GUCY1A2: variants seen among roughly 807,000 people sequenced by gnomAD.
The protein encoded by GUCY1A2 is guanylate cyclase 1 soluble subunit alpha 2, also known as guanylate cyclase soluble subunit alpha-2.
Under a neutral mutation model 63.5 loss-of-function variants are expected in GUCY1A2, and 27 were observed. That is an observed-to-expected ratio of 0.43 (90% CI 0.31 to 0.59). GUCY1A2 has a LOEUF of 0.59. Among genes scored for constraint, GUCY1A2 ranks in the 20% least tolerant of loss-of-function variants. The probability of loss-of-function intolerance (pLI) is 0.11; values close to 1 mark genes in which losing one functional copy is unlikely to be tolerated. For synonymous variants in GUCY1A2, 364 were observed against 343.5 expected (o/e 1.06, Z -0.66); for missense variants, 768 against 913.3 (o/e 0.84, Z 2.05).
Position 107,017,976 on chromosome 11 carries a change from CCCT to C in GUCY1A2, c.77_79del (p.Glu26del), listed in dbSNP as rs1234762780. On this transcript the variant is annotated inframe_deletion, in exon 1 of 8. Coordinates refer to ENST00000526355, the MANE Select transcript of GUCY1A2 (RefSeq NM_000855.3). ...GCAGAGCCTAGACAGGGGGCACTCCCCCTCCTCCTCCGGGCTGGTCTCCAGGTA... is the reference window on the plus strand; with the variant it reads ...GCAGAGCCTAGACAGGGGGCACTCCCCCTCCTCCGGGCTGGTCTCCAGGTA... 6.2e-6 allele frequency: 9 copies of C among 1,450,658 alleles called. No homozygotes were observed. Among genetic ancestry groups the C allele is most frequent in the South Asian group, 2.8e-5 (2 of 71,370 alleles). The allele number at this position is 1,450,658 out of a possible 1,614,324, so 89.9% of individuals were successfully genotyped here. A position where few individuals can be genotyped will look rare whatever the true frequency, so the allele number is the denominator to read the frequency against.
intron 4 of GUCY1A2, among the ~76,000 whole-genome samples, chr11:106,821,926 A>C (rs1213822321): frequency 6.6e-6 from 1 of 152,164 alleles, no homozygotes; most frequent in East Asian, 1.9e-4. Flanking sequence ...GTGAGGAACA[A>C]GTCAGGGGTG....
intron 6 of GUCY1A2, chr11:106,746,561 C>T: frequency 6.3e-7 from 1 of 1,586,158 alleles, no homozygotes; most frequent in Non-Finnish European, 8.5e-7. Context: ...CTTTTCAGTA[C>T]CCAAATCCGT....
intron 6 of GUCY1A2, among the ~76,000 whole-genome samples, chr11:106,776,187 C>T (rs776901018): frequency 7.9e-5 from 12 of 152,084 alleles, no homozygotes; most frequent in Non-Finnish European, 1.8e-4. Context: ...AAGTTCTTCC[C>T]TTGGGTCTAA....
chr11:106,772,766 CA>C (rs1313593338), intron 6 of GUCY1A2, among the ~76,000 whole-genome samples: 1 of 152,054 alleles, frequency 6.6e-6, no homozygotes, highest in African/African-American at 2.4e-5. Context: ...AAAGAAAATC[CA>C]ACATCAAAAA....
intron 6 of GUCY1A2, among the ~76,000 whole-genome samples, chr11:106,746,982 G>A (rs548806204): frequency 6.6e-6 from 1 of 152,112 alleles, no homozygotes; most frequent in Admixed American, 6.5e-5. Flanking sequence ...CAAAAGATGT[G>A]GGTTTTTTTT....
At chr11:106,690,380 A>G (rs1862602623) in intron 7 of GUCY1A2, among the ~76,000 whole-genome samples, 1 of 152,214 alleles carries the variant, frequency 6.6e-6, no homozygotes, top group Admixed American at 6.5e-5. Flanking sequence ...AGCAACATGG[A>G]TGGAGCTGGA....
At chr11:106,976,923 C>T (rs981597634) in intron 3 of GUCY1A2, among the ~76,000 whole-genome samples, 4 of 113,222 alleles carry the variant, frequency 3.5e-5, no homozygotes, top group Non-Finnish European at 7.2e-5. Context: ...CCAACAGTGT[C>T]CCCTGAAAAC....
At chr11:106,759,591 T>C (rs1864030134) in intron 6 of GUCY1A2, among the ~76,000 whole-genome samples, 1 of 152,232 alleles carries the variant, frequency 6.6e-6, no homozygotes, top group African/African-American at 2.4e-5. Context: ...TATGAGTTCC[T>C]ACCAGAGTAG....
chr11:106,833,761 T>C (rs1327348310), intron 4 of GUCY1A2, among the ~76,000 whole-genome samples: 1 of 152,014 alleles, frequency 6.6e-6, no homozygotes, highest in Non-Finnish European at 1.5e-5. Flanking sequence ...AGACAAAATA[T>C]CTTTTAATGT....
At chr11:106,795,736 C>A (rs1864746562) in intron 5 of GUCY1A2, among the ~76,000 whole-genome samples, 1 of 152,234 alleles carries the variant, frequency 6.6e-6, no homozygotes, top group South Asian at 2.1e-4. Flanking sequence ...TCTCATCTTT[C>A]CACTTTAAAA....
chr11:106,676,404 A>C lies in GUCY1A2; in HGVS notation c.*11145T>G, dbSNP rs2135323649. 5.3e-6 allele frequency: 1 copy of C among 187,294 alleles called. No homozygotes were observed. Among genetic ancestry groups the C allele is most frequent in the African/African-American group, 2.3e-5 (1 of 42,870 alleles). 11.6% of individuals were successfully genotyped at this position (187,294 alleles called of 1,614,324 possible). On this transcript the variant is annotated 3_prime_UTR_variant, in exon 8 of 8. Transcript: ENST00000526355. ...ACTTTTTTTTTTTTTGTATTTAATAAAATGGCAATTTGTAAATTCTGGTGA... is the reference window on the plus strand; with the variant it reads ...ACTTTTTTTTTTTTTGTATTTAATACAATGGCAATTTGTAAATTCTGGTGA...
intron 4 of GUCY1A2, among the ~76,000 whole-genome samples, chr11:106,887,833 A>G (rs1489120162): frequency 6.6e-6 from 1 of 152,236 alleles, no homozygotes; most frequent in African/African-American, 2.4e-5. Flanking sequence ...AGTGGTATAC[A>G]CTGATTAAAA....
At chr11:106,744,099 C>T (rs1052870383) in intron 6 of GUCY1A2, among the ~76,000 whole-genome samples, 2 of 152,070 alleles carry the variant, frequency 1.3e-5, no homozygotes, top group Non-Finnish European at 2.9e-5. Context: ...TTTGTTACTC[C>T]ATCAAGGAAA....
intron 1 of GUCY1A2, among the ~76,000 whole-genome samples, chr11:106,988,323 C>T (rs1003383420): frequency 2.0e-5 from 3 of 152,122 alleles, no homozygotes; most frequent in African/African-American, 7.2e-5. Flanking sequence ...ATAACTTTCC[C>T]CTTGGCAACA....
Position 106,996,310 on chromosome 11 carries a change from G to A in GUCY1A2, c.304-10179C>T, listed in dbSNP as rs549871132. Among the ~76,000 whole-genome samples the A allele has an allele frequency of 1.2e-4, 18 of 152,260 alleles. No individual in the cohort carries two copies. The East Asian group carries it at 3.3e-3, about 28-fold the overall frequency. On this transcript the variant is annotated intron_variant, in intron 1 of 7. Transcript: ENST00000526355. ...TCTAATACTGTTTAGGAGCATATGG[G>A]CCCTCTGTCACAGTGAGAAAGATTA...
chr11:106,903,537 T>A (rs937973363), intron 4 of GUCY1A2, among the ~76,000 whole-genome samples: 1 of 152,176 alleles, frequency 6.6e-6, no homozygotes, highest in Non-Finnish European at 1.5e-5. Flanking sequence ...CAGGCCCTGG[T>A]TGAATCTGTA....
Position 106,920,633 on chromosome 11 carries a change from T to C in GUCY1A2, c.1206+18827A>G, listed in dbSNP as rs577754739. Among the ~76,000 whole-genome samples, 18 of 152,256 alleles carry C rather than the reference T, an allele frequency of 1.2e-4. 1 individual carries two copies. The South Asian group carries it at 3.5e-3, about 30-fold the overall frequency. ...CATTTGTTTAAACATTTCCATTTGTTTATCATTCAGATCTTATAATTACAA... is the reference window on the plus strand; with the variant it reads ...CATTTGTTTAAACATTTCCATTTGTCTATCATTCAGATCTTATAATTACAA... On this transcript the variant is annotated intron_variant, in intron 4 of 7. Transcript: ENST00000526355.
At chr11:106,805,478 T>A (rs1487071189) in intron 5 of GUCY1A2, among the ~76,000 whole-genome samples, 1 of 152,132 alleles carries the variant, frequency 6.6e-6, no homozygotes, top group African/African-American at 2.4e-5. Context: ...ACTCCTGACC[T>A]CAGGTGATCC....
intron 3 of GUCY1A2, among the ~76,000 whole-genome samples, chr11:106,948,594 TA>T (rs1860862132): frequency 6.6e-6 from 1 of 152,142 alleles, no homozygotes; most frequent in South Asian, 2.1e-4. Flanking sequence ...ACATTTTAAC[TA>T]AAATCAGAAA....
Sources: gnomAD v4.1 joint callset for allele counts (sites outside exome capture counted in the v4.1 genomes callset) on GRCh38, gnomAD v4.1.1 for gene constraint, MANE v1.5 for transcripts, NCBI Gene and HGNC (gene_info 2026-07-23, HGNC 2026-07-21) for gene names.